The following COG5 variants were observed in gnomAD, a reference collection of about 807,000 sequenced individuals.
The protein encoded by COG5 is conserved oligomeric Golgi complex subunit 5.
In COG5, 86 loss-of-function variants were observed where a neutral mutation model predicts 110.4. The ratio of observed to expected loss-of-function variants is 0.78; its 90% CI spans 0.65 to 0.93. COG5 has a LOEUF of 0.93. COG5 is among the 40% of genes least tolerant of loss of function. COG5 has a pLI of 0.00. For missense variants in COG5, 1,077 were observed against 987.0 expected (o/e 1.09, Z -1.22); for synonymous variants, 360 against 334.6 (o/e 1.08, Z -0.83).
intron 16 of COG5, among the ~76,000 whole-genome samples, chr7:107,255,101 T>C (rs1387902351): frequency 6.6e-6 from 1 of 152,140 alleles, no homozygotes; most frequent in African/African-American, 2.4e-5. Context: ...GTACTGATTT[T>C]GGGTAGTTAT....
chr7:107,257,885 A>C lies in COG5; in HGVS notation c.1686+388T>G, dbSNP rs1730436325. On this transcript the variant is annotated intron_variant, in intron 15 of 21. Transcript: ENST00000297135. ...TTTAATGCAAAGATATTAATAGAAC[A>C]TTTTTGACATGTTGGAGGGCTTCAG... Among the ~76,000 whole-genome samples, 4 of 152,278 alleles carry C rather than the reference A, an allele frequency of 2.6e-5. No homozygotes were observed. The South Asian group carries it at 6.2e-4, about 24-fold the overall frequency.
chr7:107,334,143 G>A (rs1039727815), intron 10 of COG5, among the ~76,000 whole-genome samples: 8 of 152,038 alleles, frequency 5.3e-5, no homozygotes, highest in Admixed American at 4.6e-4. Context: ...GTCAAGCTAC[G>A]GAATCAACCT....
chr7:107,298,369 G>T (rs1359940558), intron 11 of COG5, 23 bp from the exon 12 acceptor site: 19 of 1,576,716 alleles, frequency 1.2e-5, no homozygotes, highest in Non-Finnish European at 1.5e-5. Flanking sequence ...ACAAGAACAT[G>T]AATTAGAAAA....
intron 5 of COG5, among the ~76,000 whole-genome samples, chr7:107,543,623 A>G (rs1418696479): frequency 5.3e-5 from 8 of 152,078 alleles, no homozygotes; most frequent in African/African-American, 1.9e-4. Context: ...GTTAGCACTC[A>G]GACTTCCAGC....
chr7:107,323,399 T>G (rs1809476497), intron 11 of COG5, among the ~76,000 whole-genome samples: 1 of 151,952 alleles, frequency 6.6e-6, no homozygotes, highest in Non-Finnish European at 1.5e-5. Context: ...GGAGTGGTGG[T>G]ACATTCCTGT....
intron 16 of COG5, among the ~76,000 whole-genome samples, chr7:107,255,914 G>C (rs1219139437): frequency 6.6e-6 from 1 of 152,086 alleles, no homozygotes. Context: ...TAACTCTTCA[G>C]AGTTAATGAG....
chr7:107,241,428 C>CTATCTA (rs1554399568), intron 17 of COG5, among the ~76,000 whole-genome samples: 5 of 144,834 alleles, frequency 3.5e-5, no homozygotes, highest in African/African-American at 1.3e-4. Context: ...ATCTATCTAT[C>CTATCTA]TATATATATA....
At position 107,474,641 on chromosome 7, in the gene COG5, C is replaced by T. The variant is rs1796859157; in HGVS notation, c.538+52596G>A. On this transcript the variant is annotated intron_variant, in intron 6 of 21. Coordinates refer to ENST00000297135, the MANE Select transcript of COG5 (RefSeq NM_006348.5). This position sits in a 1 kb window ranked among gnomAD's most constrained non-coding sequence, Gnocchi z 5.7. ...AGTGGAAATACCTGGGAAAACAAGA[C>T]ACTTTTATGTGTCAGTACAAATGAA... The T allele has an allele frequency of 6.2e-7, 1 of 1,609,756 alleles. No homozygotes were observed. Among genetic ancestry groups the T allele is most frequent in the Non-Finnish European group, 8.5e-7 (1 of 1,176,714 alleles).
At chr7:107,369,713 A>G (rs756376676) in intron 8 of COG5, among the ~76,000 whole-genome samples, 7 of 152,214 alleles carry the variant, frequency 4.6e-5, no homozygotes, top group Non-Finnish European at 1.0e-4. Context: ...TTACATATAC[A>G]TGCCAGATTT....
intron 7 of COG5, among the ~76,000 whole-genome samples, chr7:107,383,150 T>C (rs1156260683): frequency 1.3e-5 from 2 of 152,164 alleles, no homozygotes; most frequent in African/African-American, 4.8e-5. Flanking sequence ...CTACCAGTTA[T>C]CTGGGTGTGT....
chr7:107,213,240 C>G (rs1799301560), intron 19 of COG5, among the ~76,000 whole-genome samples: 1 of 152,148 alleles, frequency 6.6e-6, no homozygotes, highest in Non-Finnish European at 1.5e-5. Flanking sequence ...CCTCTATGCC[C>G]AGCCTCAGAG....
rs375133647 is a variant in COG5, at chr7:107,529,649, T to C, written c.418-2292A>G. 2.9e-4 allele frequency among the ~76,000 whole-genome samples: 44 copies of C among 152,338 alleles called. No individual in the cohort carries two copies. In the East Asian group the frequency reaches 7.1e-3, roughly 25 times the overall value. ...GAATCTTGGGAAAGGAGCCAGGCTA[T>C]AAAGTCCTCGGATCAAGGTTAAACA... On this transcript the variant is annotated intron_variant, in intron 5 of 21. Transcript: ENST00000297135.
intron 12 of COG5, among the ~76,000 whole-genome samples, chr7:107,288,947 TATATATA>T (rs1805916828): frequency 2.2e-5 from 2 of 89,698 alleles, no homozygotes; most frequent in East Asian, 7.6e-4. Context: ...TATATATATA[TATATATA>T]TATATATATT....
At chr7:107,341,415 TGAAA>T (rs1477363543) in intron 10 of COG5, among the ~76,000 whole-genome samples, 4 of 152,092 alleles carry the variant, frequency 2.6e-5, no homozygotes, top group African/African-American at 9.7e-5. Flanking sequence ...GCTCATGGAC[TGAAA>T]GAATCAATAT....
chr7:107,411,776 A>T (rs1432217896), intron 7 of COG5, among the ~76,000 whole-genome samples: 1 of 152,208 alleles, frequency 6.6e-6, no homozygotes, highest in Non-Finnish European at 1.5e-5. Flanking sequence ...TCTGTCCAAC[A>T]TAAATGCACA....
intron 6 of COG5, among the ~76,000 whole-genome samples, chr7:107,418,154 G>C (rs553724872): frequency 6.6e-6 from 1 of 151,152 alleles, no homozygotes; most frequent in South Asian, 2.1e-4. Flanking sequence ...CAGTAATCTG[G>C]AGAGGAAAGA....
At chr7:107,514,693 A>AG (rs1418370939) in intron 6 of COG5, among the ~76,000 whole-genome samples, 6 of 152,214 alleles carry the variant, frequency 3.9e-5, no homozygotes, top group Non-Finnish European at 5.9e-5. Flanking sequence ...TACAAAGGGT[A>AG]GGGGGTTTCT....
chr7:107,354,154 G>A (rs1236696627), intron 10 of COG5, among the ~76,000 whole-genome samples: 1 of 152,120 alleles, frequency 6.6e-6, no homozygotes, highest in African/African-American at 2.4e-5. Flanking sequence ...ACTCACTTTA[G>A]TAAAGTGAGA....
intron 7 of COG5, among the ~76,000 whole-genome samples, chr7:107,407,277 G>A (rs1402084240): frequency 6.6e-6 from 1 of 152,140 alleles, no homozygotes; most frequent in Non-Finnish European, 1.5e-5. Flanking sequence ...AGCTACTCGG[G>A]GGGCTGAGGT....
Sources: allele counts gnomAD v4.1 joint callset (sites outside exome capture counted in the v4.1 genomes callset), GRCh38; gene constraint gnomAD v4.1.1; non-coding constraint Gnocchi (gnomAD v3.1); transcripts MANE v1.5; gene names NCBI Gene and HGNC (gene_info 2026-07-23, HGNC 2026-07-21).